Variants in PCID2 observed in about 807,000 individuals in gnomAD.
PCID2 encodes PCI domain containing 2.
PCID2 carries 41 observed loss-of-function variants against 61.3 expected under a neutral mutation model. The observed-to-expected ratio is 0.67, with a 90% confidence interval of 0.52 to 0.87. The LOEUF (loss-of-function observed/expected upper bound fraction) is 0.87, where lower values mean the gene tolerates loss of function less well. Among genes scored for constraint, PCID2 ranks in the 40% least tolerant of loss-of-function variants. The pLI, the probability that PCID2 is intolerant of heterozygous loss-of-function variation, is 0.00. For missense variants in PCID2, 392 were observed against 493.4 expected (o/e 0.79, Z 1.95); for synonymous variants, 187 against 177.8 (o/e 1.05, Z -0.41).
chr13:113,191,031 C>A, intron 6 of PCID2, 56 bp from the exon 7 acceptor site: 2 of 1,334,112 alleles, frequency 1.5e-6, no homozygotes, highest in South Asian at 1.3e-5. Context: ...CTTGCTGTGT[C>A]GTCCAGGCTG....
chr13:113,166,607 G>A, the PCID2 span, among the ~76,000 whole-genome samples: 6 of 152,220 alleles, frequency 3.9e-5, no homozygotes, highest in Non-Finnish European at 8.8e-5. Flanking sequence ...CCGAAGGGAG[G>A]CAAAGCAGAC....
At chr13:113,169,642 G>A in the PCID2 span, among the ~76,000 whole-genome samples, 2 of 152,260 alleles carry the variant, frequency 1.3e-5, no homozygotes, top group Non-Finnish European at 2.9e-5. Context: ...CAAGTCTAGA[G>A]CTAGTTATTC....
chr13:113,194,730 G>T (rs748155079), intron 6 of PCID2, among the ~76,000 whole-genome samples: 2 of 152,098 alleles, frequency 1.3e-5, no homozygotes, highest in Non-Finnish European at 2.9e-5. Flanking sequence ...TCTTTTTGGT[G>T]GGGGAGCAGG....
At chr13:113,165,125 CAG>C in the PCID2 span, 2 of 1,610,460 alleles carry the variant, frequency 1.2e-6, no homozygotes, top group South Asian at 2.2e-5. Flanking sequence ...TGGCAGGTAA[CAG>C]AGCGCTCTCC....
chr13:113,183,701 A>G (rs553316), intron 9 of PCID2: 717,723 of 924,506 alleles, frequency 0.78, 281,275 homozygotes, highest in Non-Finnish European at 0.8. Context: ...GTTTGAGCAC[A>G]AGAGAAGAGA....
chr13:113,185,377 T>C lies in PCID2; in HGVS notation c.543+108A>G, dbSNP rs1165879668. ...ATTAGGACTAGGAATACGGTTATGA[T>C]CATTTCACAAGCAACGCCAGGGAGG... On this transcript the variant is annotated intron_variant, in intron 8 of 13. Transcript: ENST00000337344. 10 of 792,296 alleles carry C rather than the reference T, an allele frequency of 1.3e-5. 1 individual carries two copies. In the African/African-American group the frequency reaches 1.5e-4, roughly 12 times the overall value. 49.1% of individuals were successfully genotyped at this position (792,296 alleles called of 1,614,324 possible).
Position 113,179,997 on chromosome 13 carries a change from C to T in PCID2, c.906G>A (p.Glu302=), listed in dbSNP as rs751305451. The T allele has an allele frequency of 2.5e-6, 4 of 1,614,134 alleles. No individual in the cohort carries two copies. The highest frequency in any genetic ancestry group is 3.4e-6 in the Non-Finnish European group (4 of 1,180,012). ...LLLHEALAKH[E]AFFIRCGIFL... is the part of the protein sequence containing the mutation. Reference sequence around the variant, plus strand: ...AGATTCCGCAGCGAATGAAGAAGGCCTCGTGCTTCGCCAGCGCCTCGTGCA... The same window carrying T: ...AGATTCCGCAGCGAATGAAGAAGGCTTCGTGCTTCGCCAGCGCCTCGTGCA... The change falls in exon 12 of 14, where the codon GAG becomes GAA. Residue 302 remains glutamate (E), a synonymous_variant. Coordinates refer to ENST00000337344, the MANE Select transcript of PCID2 (RefSeq NM_001127202.4). This position sits in a 1 kb window ranked among gnomAD's most constrained non-coding sequence, Gnocchi z 4.3.
At chr13:113,172,316 A>C in the PCID2 span, 17 of 617,318 alleles carry the variant, frequency 2.8e-5, no homozygotes, top group African/African-American at 3.7e-5. Context: ...TCTTTATCTC[A>C]ATAGAGACCT....
intron 4 of PCID2, among the ~76,000 whole-genome samples, chr13:113,196,622 A>G (rs2039035383): frequency 1.3e-5 from 2 of 152,358 alleles, no homozygotes; most frequent in Non-Finnish European, 2.9e-5. Context: ...GTGAGCAAAT[A>G]GCCCAACTCT....
In PCID2 at chr13:113,179,434, C is replaced by T. The variant is rs1037223963; in HGVS notation, c.987-345G>A. 6.6e-6 allele frequency among the ~76,000 whole-genome samples: 1 copy of T among 152,068 alleles called. No individual in the cohort carries two copies. The highest frequency in any genetic ancestry group is 2.4e-5 in the African/African-American group (1 of 41,388). The stretch of plus-strand genomic sequence containing the variant: ...GGTCCCTACTGTTTGTGACGTGCTA[C>T]CCACAGCTCTATACAAAGTTGGCCT... On this transcript the variant is annotated intron_variant, in intron 12 of 13. Coordinates refer to ENST00000337344, the MANE Select transcript of PCID2 (RefSeq NM_001127202.4). The surrounding 1 kb of genome is among the most constrained non-coding windows in gnomAD (Gnocchi z 4.3).
intron 8 of PCID2, 89 bp downstream of exon 8, chr13:113,185,396 A>T: frequency 1.1e-6 from 1 of 896,808 alleles, no homozygotes; most frequent in Non-Finnish European, 1.9e-6. Flanking sequence ...AAGCAACGCC[A>T]GGGAGGCTAG....
At chr13:113,172,302 G>C in the PCID2 span, 1 of 669,228 alleles carries the variant, frequency 1.5e-6, no homozygotes, top group Non-Finnish European at 2.6e-6. Context: ...TCTTTCCCTG[G>C]AACTCTTTAT....
Position 113,208,212 on chromosome 13 carries a change from G to A in PCID2, c.36+387C>T, listed in dbSNP as rs1483529840. Reference sequence around the variant, plus strand: ...CCCCGAATTCATCCCGCATCCTGCTGGGAAACAGCGTCCATCCGACACAGC... The same window carrying A: ...CCCCGAATTCATCCCGCATCCTGCTAGGAAACAGCGTCCATCCGACACAGC... On this transcript the variant is annotated intron_variant, in intron 1 of 13. Coordinates refer to ENST00000337344, the MANE Select transcript of PCID2 (RefSeq NM_001127202.4). The A allele has an allele frequency of 4.6e-6, 7 of 1,530,588 alleles. No homozygotes were observed. In the African/African-American group the frequency reaches 8.2e-5, roughly 18 times the overall value. The allele number at this position is 1,530,588 out of a possible 1,614,324, so 94.8% of individuals were successfully genotyped here. A position where few individuals can be genotyped will look rare whatever the true frequency, so the allele number is the denominator to read the frequency against.
chr13:113,185,454 A>C, intron 8 of PCID2, 31 bp downstream of exon 8: 1 of 1,523,998 alleles, frequency 6.6e-7, no homozygotes, highest in Non-Finnish European at 9.1e-7. Context: ...CGAAAATTGT[A>C]AAGACAGAAA....
chr13:113,176,958 T>C (rs943444137), downstream of PCID2, among the ~76,000 whole-genome samples: 11 of 152,142 alleles, frequency 7.2e-5, no homozygotes, highest in East Asian at 9.6e-4. Flanking sequence ...CCTGTGGTAT[T>C]CTGTGATGGC....
At chr13:113,184,764 C>T (rs554244834) in intron 8 of PCID2, among the ~76,000 whole-genome samples, 3 of 149,872 alleles carry the variant, frequency 2.0e-5, no homozygotes, top group South Asian at 4.3e-4. Context: ...CAGTGGGAAG[C>T]CGTTCCAGGG....
chr13:113,202,698 G>A (rs1334243591), intron 1 of PCID2, among the ~76,000 whole-genome samples: 2 of 152,212 alleles, frequency 1.3e-5, no homozygotes, highest in East Asian at 1.9e-4. Context: ...TTATGTCTGT[G>A]TGTGTGTCAC....
At position 113,203,987 on chromosome 13, in the gene PCID2, C is replaced by T. The variant is rs773565543; in HGVS notation, c.37-3471G>A. ...CTAGCCACAGGAGCCCCAACAGACT[C>T]CAACCTTGCTCAACTAAGGGGCTTC... On this transcript the variant is annotated intron_variant, in intron 1 of 13. Transcript: ENST00000337344. 3.9e-4 allele frequency among the ~76,000 whole-genome samples: 59 copies of T among 152,262 alleles called. 1 individual carries two copies. The highest frequency in any genetic ancestry group is 7.5e-4 in the Non-Finnish European group (51 of 68,044).
chr13:113,178,095 T>G lies in PCID2; in HGVS notation c.*103A>C. 2 of 729,998 alleles carry G rather than the reference T, an allele frequency of 2.7e-6. No individual in the cohort carries two copies. Among genetic ancestry groups the G allele is most frequent in the Non-Finnish European group, 4.6e-6 (2 of 437,504 alleles). The allele number at this position is 729,998 out of a possible 1,614,324, so 45.2% of individuals were successfully genotyped here. A position where few individuals can be genotyped will look rare whatever the true frequency, so the allele number is the denominator to read the frequency against. On this transcript the variant is annotated 3_prime_UTR_variant, in exon 14 of 14. Coordinates refer to ENST00000337344, the MANE Select transcript of PCID2 (RefSeq NM_001127202.4). ...TCCCTGGGAAAAGCGCCTCCAAGAG[T>G]TCCGGCTTCAGGGAGCCTTGTTGCA...
Sources: allele counts gnomAD v4.1 joint callset (sites outside exome capture counted in the v4.1 genomes callset), GRCh38; gene constraint gnomAD v4.1.1; non-coding constraint Gnocchi (gnomAD v3.1); transcripts MANE v1.5; gene names NCBI Gene and HGNC (gene_info 2026-07-23, HGNC 2026-07-21).